The following LYRM4 variants were observed in gnomAD, a reference collection of about 807,000 sequenced individuals.
The protein encoded by LYRM4 is LYR motif containing 4, also known as LYR motif-containing protein 4.
A neutral mutation model predicts 11.7 loss-of-function variants in LYRM4; 9 were observed. The ratio of observed to expected loss-of-function variants is 0.77; its 90% CI spans 0.46 to 1.34. The LOEUF is 1.34. Ranked by LOEUF, LYRM4 falls within the 40% of genes most tolerant of loss-of-function variation. The pLI is 0.00. For synonymous variants in LYRM4, 42 were observed against 40.4 expected, an observed-to-expected ratio of 1.04 and a Z score of -0.15; for missense variants, 133 against 112.5, an observed-to-expected ratio of 1.18 and a Z score of -0.82.
At chr6:5,144,513 C>T (rs557597393) in intron 2 of LYRM4, among the ~76,000 whole-genome samples, 10 of 150,356 alleles carry the variant, frequency 6.7e-5, no homozygotes, top group South Asian at 2.1e-4. Flanking sequence ...GGTGGGCGCC[C>T]GCAGTCCCAG....
chr6:5,184,087 T>C (rs78394966), intron 2 of LYRM4, among the ~76,000 whole-genome samples: 3,607 of 152,330 alleles, frequency 0.024, 113 homozygotes, highest in African/African-American at 0.078. Flanking sequence ...ACTTTTTTTT[T>C]CTTGTGTATC....
chr6:5,254,140 T>C (rs924924117), intron 1 of LYRM4, among the ~76,000 whole-genome samples: 2 of 152,236 alleles, frequency 1.3e-5, no homozygotes, highest in Admixed American at 1.3e-4. Flanking sequence ...CGGCAATGCC[T>C]GCAGCCAGCA....
chr6:5,064,240 A>G, the LYRM4 span, among the ~76,000 whole-genome samples: 1 of 152,112 alleles, frequency 6.6e-6, no homozygotes, highest in Non-Finnish European at 1.5e-5. Flanking sequence ...CAAATGAATC[A>G]GCCTTCCCAC....
rs1254586816 is a variant in LYRM4 at position 5,156,209 on chromosome 6, G to A, written c.208-46718C>T. On this transcript the variant is annotated intron_variant, in intron 2 of 2. Coordinates refer to ENST00000330636, the MANE Select transcript of LYRM4 (RefSeq NM_020408.6). ...CAGCCTAAGCTCAACATGCAAGGCA[G>A]CCGTTCATGAAGCTGAGGCTCACAG... Among the ~76,000 whole-genome samples, 3 of 152,250 alleles carry A rather than the reference G, an allele frequency of 2.0e-5. 1 individual carries two copies. The highest frequency in any genetic ancestry group is 2.0e-4 in the Admixed American group (3 of 15,286).
At chr6:5,120,793 G>A (rs1763417906) in intron 2 of LYRM4, among the ~76,000 whole-genome samples, 1 of 152,136 alleles carries the variant, frequency 6.6e-6, no homozygotes, top group Non-Finnish European at 1.5e-5. Context: ...CAAACCTCTA[G>A]CTAGCTACAG....
intron 2 of LYRM4, among the ~76,000 whole-genome samples, chr6:5,208,630 G>A (rs145946976): frequency 3.4e-4 from 52 of 152,290 alleles, no homozygotes; most frequent in Middle Eastern, 3.4e-3. Flanking sequence ...ATCCTCGGAG[G>A]AATCAAGCAA....
intron 1 of LYRM4, among the ~76,000 whole-genome samples, chr6:5,251,007 A>C (rs1406512782): frequency 6.6e-6 from 1 of 152,222 alleles, no homozygotes; most frequent in Non-Finnish European, 1.5e-5. Context: ...ACATTCTGCA[A>C]ATCTCCACTG....
intron 2 of LYRM4, among the ~76,000 whole-genome samples, chr6:5,209,991 C>T (rs527545511): frequency 1.4e-4 from 21 of 152,160 alleles, no homozygotes; most frequent in Admixed American, 7.8e-4. Context: ...ACATCTTCTA[C>T]CAGGAAGGAA....
chr6:5,260,611 G>GCCCCCCCC, intron 1 of LYRM4, 37 bp downstream of exon 1: 12 of 1,377,682 alleles, frequency 8.7e-6, no homozygotes, highest in African/African-American at 1.5e-5. Context: ...CCGGCCCCTG[G>GCCCCCCCC]CCCCCCGCCC....
chr6:5,260,874 C>G lies in LYRM4; in HGVS notation c.-141G>C. The G allele has an allele frequency of 6.9e-7, 1 of 1,446,584 alleles. No individual in the cohort carries two copies. The highest frequency in any genetic ancestry group is 9.0e-7 in the Non-Finnish European group (1 of 1,105,666). The allele number at this position is 1,446,584 out of a possible 1,614,324, so 89.6% of individuals were successfully genotyped here. On this transcript the variant is annotated 5_prime_UTR_variant, in exon 1 of 3. Transcript: ENST00000330636. ...CTTTGCCAGCGGGCCGGGCCTAAGC[C>G]TAAGCGGGCAGCCCTGCGGATCGCG...
chr6:5,055,879 C>G, the LYRM4 span, among the ~76,000 whole-genome samples: 15 of 152,180 alleles, frequency 9.9e-5, no homozygotes, highest in African/African-American at 3.6e-4. The surrounding 1 kb of genome is among the most constrained non-coding windows in gnomAD (Gnocchi z 4.5). Flanking sequence ...GCCAGATAGA[C>G]CTACTAGAAT....
intron 2 of LYRM4, among the ~76,000 whole-genome samples, chr6:5,124,067 G>GCA (rs919803647): frequency 2.0e-5 from 3 of 152,124 alleles, no homozygotes; most frequent in African/African-American, 7.2e-5. Context: ...GAGAGGGCGG[G>GCA]CACACGCTCT....
intron 2 of LYRM4, among the ~76,000 whole-genome samples, chr6:5,137,205 T>C (rs1367937934): frequency 6.6e-6 from 1 of 152,252 alleles, no homozygotes; most frequent in African/African-American, 2.4e-5. Flanking sequence ...ATTTTTATTG[T>C]ATGGCTATAC....
At chr6:5,202,665 T>G (rs1416453237) in intron 2 of LYRM4, among the ~76,000 whole-genome samples, 1 of 152,162 alleles carries the variant, frequency 6.6e-6, no homozygotes, top group Non-Finnish European at 1.5e-5. Flanking sequence ...AAAAGATGAA[T>G]AGCCTGCCAT....
At chr6:5,223,448 G>A (rs573859728) in intron 1 of LYRM4, among the ~76,000 whole-genome samples, 1 of 152,286 alleles carries the variant, frequency 6.6e-6, no homozygotes, top group East Asian at 1.9e-4. Context: ...GAACCCAGTT[G>A]ACTCTAGAGC....
At chr6:5,057,590 C>T in the LYRM4 span, among the ~76,000 whole-genome samples, 2 of 152,074 alleles carry the variant, frequency 1.3e-5, no homozygotes, top group East Asian at 2.0e-4. Context: ...ATGATGGCGC[C>T]TGTAATCCCA....
At chr6:5,037,847 G>A in the LYRM4 span, among the ~76,000 whole-genome samples, 3 of 50,348 alleles carry the variant, frequency 6.0e-5, no homozygotes, top group Admixed American at 2.6e-4. Flanking sequence ...GGACGGGGCG[G>A]CTGGCCGGGC....
At chr6:5,152,590 G>A (rs538156956) in intron 2 of LYRM4, among the ~76,000 whole-genome samples, 9 of 152,278 alleles carry the variant, frequency 5.9e-5, no homozygotes, top group Admixed American at 2.6e-4. Context: ...GTCTGTCTCC[G>A]GCCTGGCTGT....
At chr6:5,156,024 A>G (rs891537471) in intron 2 of LYRM4, among the ~76,000 whole-genome samples, 2 of 152,206 alleles carry the variant, frequency 1.3e-5, no homozygotes, top group Non-Finnish European at 2.9e-5. Context: ...CAGATTTATA[A>G]TCTGTTATTC....
Sources: gnomAD v4.1 joint callset for allele counts (sites outside exome capture counted in the v4.1 genomes callset) on GRCh38, gnomAD v4.1.1 for gene constraint, Gnocchi (gnomAD v3.1) non-coding constraint, MANE v1.5 for transcripts, NCBI Gene and HGNC (gene_info 2026-07-23, HGNC 2026-07-21) for gene names.